PLEKHM3: variants seen among roughly 807,000 people sequenced by gnomAD.
PLEKHM3 encodes pleckstrin homology domain-containing family M member 3.
In PLEKHM3, 45 loss-of-function variants were observed where a neutral mutation model predicts 81.8. The ratio of observed to expected loss-of-function variants is 0.55; its 90% CI spans 0.43 to 0.71. The LOEUF (loss-of-function observed/expected upper bound fraction) is 0.71, where lower values mean the gene tolerates loss of function less well. Ranked by LOEUF, PLEKHM3 falls within the 30% of genes least tolerant of loss-of-function variation. PLEKHM3 has a pLI of 0.00. For synonymous variants in PLEKHM3, 352 were observed against 356.4 expected, an observed-to-expected ratio of 0.99 and a Z score of 0.14; for missense variants, 788 against 924.3, an observed-to-expected ratio of 0.85 and a Z score of 1.91.
At chr2:207,936,589 G>C (rs1419895999) in intron 4 of PLEKHM3, among the ~76,000 whole-genome samples, 1 of 152,130 alleles carries the variant, frequency 6.6e-6, no homozygotes, top group Non-Finnish European at 1.5e-5. Context: ...ACCAGGGGAA[G>C]AGAGGCACCT....
At chr2:207,858,174 G>GTGTGTGTGTATATA (rs373920637) in intron 7 of PLEKHM3, among the ~76,000 whole-genome samples, 1,282 of 123,176 alleles carry the variant, frequency 0.01, 8 homozygotes, top group Middle Eastern at 0.022. Flanking sequence ...GTGTGTGTGT[G>GTGTGTGTGTATATA]TATATATTTT....
At chr2:207,901,257 G>C in intron 6 of PLEKHM3, 3 of 702,940 alleles carry the variant, frequency 4.3e-6, no homozygotes, top group Non-Finnish European at 7.8e-6. Context: ...GAGCTCCCCC[G>C]ATCCTTCAAT....
At chr2:207,930,169 C>T (rs984045199) in intron 5 of PLEKHM3, among the ~76,000 whole-genome samples, 3 of 152,150 alleles carry the variant, frequency 2.0e-5, no homozygotes, top group Admixed American at 6.5e-5. Flanking sequence ...AACTAAGTTA[C>T]GGGAAAGCAG....
chr2:207,893,998 T>G (rs113090589), intron 6 of PLEKHM3, among the ~76,000 whole-genome samples: 27 of 152,210 alleles, frequency 1.8e-4, no homozygotes, highest in African/African-American at 6.3e-4. Flanking sequence ...ACACCTGTAG[T>G]TTCAGCTACA....
chr2:207,972,683 TAATCAGATAC>T (rs1691170235), intron 3 of PLEKHM3, among the ~76,000 whole-genome samples: 1 of 151,654 alleles, frequency 6.6e-6, no homozygotes, highest in Admixed American at 6.6e-5. Context: ...CAGTCACACA[TAATCAGATAC>T]AACTATCAAA....
At chr2:207,849,881 C>T (rs2092403110) in intron 7 of PLEKHM3, among the ~76,000 whole-genome samples, 1 of 152,140 alleles carries the variant, frequency 6.6e-6, no homozygotes, top group Non-Finnish European at 1.5e-5. Context: ...ACGCTTAGTC[C>T]ATTTCGTGTT....
chr2:207,931,694 C>T (rs1001826069), intron 4 of PLEKHM3, among the ~76,000 whole-genome samples: 8 of 152,086 alleles, frequency 5.3e-5, no homozygotes, highest in Admixed American at 2.0e-4. Context: ...AAATCAAGGC[C>T]GGGTGTGGTG....
intron 1 of PLEKHM3, among the ~76,000 whole-genome samples, chr2:208,022,802 C>A (rs1693170028): frequency 6.6e-6 from 1 of 152,148 alleles, no homozygotes; most frequent in Non-Finnish European, 1.5e-5. Context: ...TGCCACATAA[C>A]ATAATTGAGA....
chr2:207,896,907 GA>G (rs1688243709), intron 6 of PLEKHM3, among the ~76,000 whole-genome samples: 1 of 152,198 alleles, frequency 6.6e-6, no homozygotes, highest in South Asian at 2.1e-4. Flanking sequence ...AAAATTTACA[GA>G]AAGACTGCTT....
At position 207,946,429 on chromosome 2, in the gene PLEKHM3, C is replaced by T. The variant is rs1428543134; in HGVS notation, c.1630G>A (p.Val544Met). 8 of 1,614,018 alleles carry T rather than the reference C, an allele frequency of 5.0e-6. No homozygotes were observed. The highest frequency in any genetic ancestry group is 4.5e-5 in the East Asian group (2 of 44,902). ...SGWYYCSSCH[V>M]DDSFLIPARI... Reference sequence around the variant, plus strand: ...GCTGGAATGAGAAAGCTGTCATCCACGTGGCAGCTACTGCAGTAATACCAC... The same window carrying T: ...GCTGGAATGAGAAAGCTGTCATCCATGTGGCAGCTACTGCAGTAATACCAC... The change falls in exon 4 of 8, where the codon GTG (valine) becomes ATG (methionine). Residue 544 changes from valine to methionine, a missense_variant. Coordinates refer to ENST00000427836, the MANE Select transcript of PLEKHM3 (RefSeq NM_001080475.3).
intron 6 of PLEKHM3, among the ~76,000 whole-genome samples, chr2:207,874,275 ATAAAAACTG>A (rs1315470365): frequency 1.3e-4 from 20 of 152,256 alleles, no homozygotes; most frequent in Middle Eastern, 6.8e-3. Context: ...AACTCATCTC[ATAAAAACTG>A]TATTTTCAGG....
chr2:207,842,991 G>C (rs2092362941), intron 7 of PLEKHM3, among the ~76,000 whole-genome samples: 1 of 152,172 alleles, frequency 6.6e-6, no homozygotes, highest in Non-Finnish European at 1.5e-5. Context: ...CCATCACCCA[G>C]GCTGGAGTGC....
chr2:207,923,490 C>T (rs1349428132), intron 5 of PLEKHM3, among the ~76,000 whole-genome samples: 1 of 151,884 alleles, frequency 6.6e-6, no homozygotes, highest in African/African-American at 2.4e-5. Context: ...GCCTGTAACC[C>T]CAGCTACTCG....
At chr2:207,868,185 G>A (rs1332817363) in intron 6 of PLEKHM3, among the ~76,000 whole-genome samples, 1 of 152,036 alleles carries the variant, frequency 6.6e-6, no homozygotes, top group African/African-American at 2.4e-5. Context: ...TTGATGCAGG[G>A]GAATCTACTA....
At chr2:207,860,168 TGTGTGTGTGTGTGTGTGTG>T (rs2092459627) in intron 7 of PLEKHM3, among the ~76,000 whole-genome samples, 3 of 147,196 alleles carry the variant, frequency 2.0e-5, no homozygotes, top group Non-Finnish European at 4.5e-5. Context: ...TGTGTGTGTG[TGTGTGTGTGTGTGTGTGTG>T]TGTGTGTGTG....
chr2:207,928,345 A>G (rs1222284287), intron 5 of PLEKHM3, among the ~76,000 whole-genome samples: 1 of 152,100 alleles, frequency 6.6e-6, no homozygotes, highest in Non-Finnish European at 1.5e-5. Context: ...TCCCTTGCTC[A>G]CTCCTTTCTT....
At chr2:207,953,681 A>G (rs1263174094) in intron 3 of PLEKHM3, among the ~76,000 whole-genome samples, 1 of 152,114 alleles carries the variant, frequency 6.6e-6, no homozygotes, top group Non-Finnish European at 1.5e-5. Context: ...GTGATGGCAC[A>G]TGCCTGTAAT....
intron 7 of PLEKHM3, among the ~76,000 whole-genome samples, chr2:207,844,301 TTC>T (rs1258971502): frequency 3.7e-5 from 5 of 135,034 alleles, no homozygotes; most frequent in Non-Finnish European, 6.3e-5. Context: ...ACATTTATTT[TTC>T]TTTTTTTTTT....
intron 3 of PLEKHM3, among the ~76,000 whole-genome samples, chr2:207,949,183 C>G (rs1559251935): frequency 6.6e-6 from 1 of 152,194 alleles, no homozygotes; most frequent in Non-Finnish European, 1.5e-5. Flanking sequence ...CTGAAAACAG[C>G]CTTTCATTAA....
Sources: allele counts gnomAD v4.1 joint callset (sites outside exome capture counted in the v4.1 genomes callset), GRCh38; gene constraint gnomAD v4.1.1; transcripts MANE v1.5; gene names NCBI Gene and HGNC (gene_info 2026-07-23, HGNC 2026-07-21).